Variants in LRCH2 observed in about 807,000 individuals in gnomAD.
The protein encoded by LRCH2 is leucine rich repeats and calponin homology domain containing 2, also known as leucine-rich repeat and calponin homology domain-containing protein 2.
In LRCH2, 38 loss-of-function variants were observed where a neutral mutation model predicts 68.9. That is an observed-to-expected ratio of 0.55 (90% CI 0.43 to 0.72). The LOEUF is 0.72. LRCH2 is among the 30% of genes least tolerant of loss of function. The probability of loss-of-function intolerance (pLI) is 0.00; values close to 1 mark genes in which losing one functional copy is unlikely to be tolerated. For missense variants in LRCH2, 528 were observed against 572.9 expected, an observed-to-expected ratio of 0.92 and a Z score of 0.80; for synonymous variants, 191 against 208.1, an observed-to-expected ratio of 0.92 and a Z score of 0.71.
intron 1 of LRCH2, among the ~76,000 whole-genome samples, chrX:115,207,881 C>A (rs781807368): frequency 2.7e-5 from 3 of 111,471 alleles, no homozygotes; most frequent in Non-Finnish European, 5.6e-5. Context: ...TCACAGGTAT[C>A]CTTATAAGAG....
At chrX:115,233,609 A>G in intron 1 of LRCH2, 84 bp downstream of exon 1, 2 of 962,517 alleles carry the variant, frequency 2.1e-6, no homozygotes, top group Non-Finnish European at 2.8e-6. Flanking sequence ...CCAGACCCGC[A>G]GAGTCCAACA....
chrX:115,129,846 G>A (rs900389753), intron 15 of LRCH2, among the ~76,000 whole-genome samples: 2 of 110,696 alleles, frequency 1.8e-5, no homozygotes, highest in Admixed American at 9.7e-5. Flanking sequence ...CTCAATTGAC[G>A]ACCAGGCTGA....
At chrX:115,128,459 CTAA>C (rs2072217278) in intron 15 of LRCH2, among the ~76,000 whole-genome samples, 2 of 111,714 alleles carry the variant, frequency 1.8e-5, no homozygotes, top group Non-Finnish European at 3.8e-5. Context: ...ACATCAATAA[CTAA>C]TAATAAAATA....
intron 20 of LRCH2, among the ~76,000 whole-genome samples, chrX:115,115,974 C>T (rs193096825): frequency 4.5e-5 from 5 of 110,683 alleles, no homozygotes; most frequent in East Asian, 5.7e-4. Context: ...ACTAGGGAAA[C>T]GCAAATCAAA....
At chrX:115,192,403 G>A in intron 1 of LRCH2, 1 of 1,166,480 alleles carries the variant, frequency 8.6e-7, no homozygotes, top group African/African-American at 1.8e-5. Context: ...GGAGTACCAG[G>A]GCAGCTTGCC....
intron 1 of LRCH2, chrX:115,190,276 G>T (rs782702351): frequency 8.7e-7 from 1 of 1,152,427 alleles, no homozygotes; most frequent in Non-Finnish European, 1.2e-6. Context: ...GAGAGGCGAC[G>T]GCAACCAAAA....
intron 14 of LRCH2, among the ~76,000 whole-genome samples, chrX:115,138,079 G>A (rs2072305136): frequency 9.0e-6 from 1 of 110,769 alleles, no homozygotes; most frequent in Non-Finnish European, 1.9e-5. Flanking sequence ...CACCTTCAAG[G>A]TCACTCTCTG....
intron 1 of LRCH2, among the ~76,000 whole-genome samples, chrX:115,193,476 T>A (rs2072862295): frequency 9.0e-6 from 1 of 111,716 alleles, no homozygotes; most frequent in African/African-American, 3.3e-5. Flanking sequence ...AAACCTGGTA[T>A]TCATCCTTGA....
chrX:115,175,988 G>T (rs1556550116), intron 5 of LRCH2, among the ~76,000 whole-genome samples: 1 of 111,855 alleles, frequency 8.9e-6, no homozygotes, highest in Non-Finnish European at 1.9e-5. Flanking sequence ...TTAACCTGTA[G>T]GATCTGATGT....
chrX:115,133,362 T>C (rs2072262332), intron 14 of LRCH2, among the ~76,000 whole-genome samples: 3 of 112,165 alleles, frequency 2.7e-5, no homozygotes, highest in Admixed American at 9.5e-5. Flanking sequence ...CAGTGAAAGC[T>C]AGAGTAAAAC....
chrX:115,204,421 T>A (rs782780237), intron 1 of LRCH2, among the ~76,000 whole-genome samples: 1 of 113,077 alleles, frequency 8.8e-6, no homozygotes, highest in East Asian at 2.8e-4. Context: ...AGTAAATGGG[T>A]TTTTCTTTTC....
chrX:115,111,361 T>C lies in LRCH2; in HGVS notation c.*1855A>G, dbSNP rs1219286099. 2 of 111,075 alleles carry C rather than the reference T, an allele frequency of 1.8e-5. No individual in the cohort carries two copies. The highest frequency in any genetic ancestry group is 6.5e-5 in the African/African-American group (2 of 30,617). 9.2% of individuals were successfully genotyped at this position (111,075 alleles called of 1,213,427 possible). A position where few individuals can be genotyped will look rare whatever the true frequency, so the allele number is the denominator to read the frequency against. On this transcript the variant is annotated 3_prime_UTR_variant, in exon 21 of 21. Coordinates refer to ENST00000317135, the MANE Select transcript of LRCH2 (RefSeq NM_020871.4). ...AGGACAACACTTGTAAAATAATTCA[T>C]ACTAGATTGATTAATCAGAGACTAT...
At chrX:115,195,783 T>G (rs2072883099) in intron 1 of LRCH2, among the ~76,000 whole-genome samples, 1 of 111,159 alleles carries the variant, frequency 9.0e-6, no homozygotes, top group Non-Finnish European at 1.9e-5. Flanking sequence ...CACTGGGGAA[T>G]CATACAGTCC....
intron 14 of LRCH2, among the ~76,000 whole-genome samples, chrX:115,144,328 T>C (rs2072363726): frequency 9.0e-6 from 1 of 111,091 alleles, no homozygotes; most frequent in Non-Finnish European, 1.9e-5. Flanking sequence ...AACTGGGGTA[T>C]AGAAGAAATA....
At position 115,165,405 on chromosome X, in the gene LRCH2, C is replaced by CT; in HGVS notation, c.1354dup (p.Arg452LysfsTer3). ...ACATTTCATTTTCATATGTGCTTAC[C>CT]TTTTTTCATCTCCTAATTCTTCATT... On this transcript the variant is annotated frameshift_variant and splice_region_variant, in exon 10 of 21. Transcript: ENST00000317135. LOFTEE classifies it high-confidence loss of function. The CT allele has an allele frequency of 9.0e-7, 1 of 1,115,266 alleles. No individual in the cohort carries two copies. Among genetic ancestry groups the CT allele is most frequent in the Non-Finnish European group, 1.2e-6 (1 of 832,608 alleles). 91.9% of individuals were successfully genotyped at this position (1,115,266 alleles called of 1,213,427 possible). A position where few individuals can be genotyped will look rare whatever the true frequency, so the allele number is the denominator to read the frequency against.
chrX:115,192,887 C>T, intron 1 of LRCH2: 1 of 355,117 alleles, frequency 2.8e-6, no homozygotes, highest in South Asian at 4.8e-5. Context: ...TCTTAGTCTT[C>T]TTCTATTTAC....
intron 1 of LRCH2, among the ~76,000 whole-genome samples, chrX:115,205,392 G>T (rs782318134): frequency 8.9e-6 from 1 of 112,105 alleles, no homozygotes; most frequent in Non-Finnish European, 1.9e-5. Context: ...ACATGCATTT[G>T]TCAAAACACA....
chrX:115,145,394 T>C (rs1556535686), intron 14 of LRCH2, among the ~76,000 whole-genome samples: 1 of 110,991 alleles, frequency 9.0e-6, no homozygotes, highest in Non-Finnish European at 1.9e-5. Flanking sequence ...GGGCAAAAAT[T>C]TCCTGAGCTA....
At chrX:115,156,696 A>G in intron 11 of LRCH2, 29 bp from the exon 12 acceptor site, 1 of 962,743 alleles carries the variant, frequency 1.0e-6, no homozygotes, top group African/African-American at 2.0e-5. Flanking sequence ...ATTAATTCCC[A>G]AATCTATTAA....
Sources: gnomAD v4.1 joint callset for allele counts (sites outside exome capture counted in the v4.1 genomes callset) on GRCh38, gnomAD v4.1.1 for gene constraint, MANE v1.5 for transcripts, NCBI Gene and HGNC (gene_info 2026-07-23, HGNC 2026-07-21) for gene names.